Variants in C3 observed in about 807,000 individuals in gnomAD.
The protein encoded by C3 is complement C3, also known as C3 and PZP-like alpha-2-macroglobulin domain-containing protein 1.
In C3, 97 loss-of-function variants were observed where a neutral mutation model predicts 207.9. The observed-to-expected ratio is 0.47, with a 90% CI of 0.40 to 0.55. The LOEUF is 0.55. Ranked by LOEUF, C3 falls within the 20% of genes least tolerant of loss-of-function variation. The pLI, the probability that C3 is intolerant of heterozygous loss-of-function variation, is 0.00. For synonymous variants in C3, 848 were observed against 857.6 expected (o/e 0.99, Z 0.20); for missense variants, 1,684 against 2,171.7 (o/e 0.78, Z 4.46).
Position 6,719,771 on chromosome 19 carries a change from T to C in C3, c.75-368A>G, listed in dbSNP as rs1968125619. ...CTAAACCCACACATGCCCCAAACCC[T>C]AAACCTCTACCTCTCTAAACACTCC... is the stretch of plus-strand genomic sequence containing the variant. On this transcript the variant is annotated intron_variant, in intron 1 of 40. Coordinates refer to ENST00000245907, the MANE Select transcript of C3 (RefSeq NM_000064.4). This position sits in a 1 kb window ranked among gnomAD's most constrained non-coding sequence, Gnocchi z 5.4. Among the ~76,000 whole-genome samples the C allele has an allele frequency of 6.6e-6, 1 of 151,878 alleles. No homozygotes were observed.
chr19:6,701,218 G>A (rs1323151610), intron 19 of C3, among the ~76,000 whole-genome samples: 1 of 152,074 alleles, frequency 6.6e-6, no homozygotes, highest in African/African-American at 2.4e-5. Context: ...CCCCGATGAT[G>A]AGCATGTGCA....
intron 25 of C3, 22 bp from the exon 26 acceptor site, chr19:6,693,105 A>G: frequency 6.2e-7 from 1 of 1,612,990 alleles, no homozygotes; most frequent in South Asian, 1.1e-5. Flanking sequence ...ACAGAGCATG[A>G]GCCAATCGGC....
chr19:6,696,436 C>A lies in C3; in HGVS notation c.2893G>T (p.Ala965Ser). ...EGVQKEDIPP[A>S]DLSDQVPDTE... ...TCCGGGACTTGGTCACTGAGGTCTG[C>A]AGGTGGGATGTCCTCTTTCTGCACT... Residue 965 changes from alanine (A) to serine (S), a missense_variant, in exon 23 of 41, where the codon GCA (alanine) becomes TCA (serine). Physicochemically the swap from Ala to Ser is moderately conservative, Grantham distance 99 (BLOSUM62 1). Transcript: ENST00000245907. The A allele has an allele frequency of 6.2e-7, 1 of 1,613,790 alleles. No homozygotes were observed. Among genetic ancestry groups the A allele is most frequent in the Non-Finnish European group, 8.5e-7 (1 of 1,179,814 alleles).
At chr19:6,700,302 A>C (rs8113688) in intron 19 of C3, among the ~76,000 whole-genome samples, 1 of 15,388 alleles carries the variant, frequency 6.5e-5, no homozygotes, top group Non-Finnish European at 1.1e-4. Context: ...TGTGATATGC[A>C]ATATATATTA....
In C3 at chr19:6,710,853, G is replaced by GT; in HGVS notation, c.1480-9_1480-8insA. On this transcript the variant is annotated splice_polypyrimidine_tract_variant and intron_variant, in intron 12 of 40. Transcript: ENST00000245907. The stretch of plus-strand genomic sequence containing the variant: ...CCTGCCCTTGTTCATGATCTGGGGG[G>GT]ACAGGCTGGCATCAGGCTGGGGAGG... 1 of 1,612,900 alleles carries GT rather than the reference G, an allele frequency of 6.2e-7. No homozygotes were observed. Among genetic ancestry groups the GT allele is most frequent in the Non-Finnish European group, 8.5e-7 (1 of 1,179,086 alleles).
At chr19:6,693,197 C>T in intron 25 of C3, 114 bp from the exon 26 acceptor site, 1 of 1,305,140 alleles carries the variant, frequency 7.7e-7, no homozygotes, top group Non-Finnish European at 1.1e-6. Flanking sequence ...GCCTGGTTTG[C>T]CTTCCCAGGC....
intron 14 of C3, among the ~76,000 whole-genome samples, chr19:6,708,625 T>C (rs1468169459): frequency 7.0e-6 from 1 of 142,928 alleles, no homozygotes; most frequent in African/African-American, 2.6e-5. Context: ...CCTCTTTATC[T>C]CCTTTCTTTT....
At chr19:6,709,615 A>AAC in intron 14 of C3, 69 bp downstream of exon 14, 1 of 403,606 alleles carries the variant, frequency 2.5e-6, no homozygotes, top group Non-Finnish European at 4.4e-6. Flanking sequence ...CTCCAGTCCC[A>AAC]CCCACCTCCC....
At chr19:6,694,667 C>T (rs567719649) in intron 23 of C3, 33 bp from the exon 24 acceptor site, 3 of 1,596,922 alleles carry the variant, frequency 1.9e-6, no homozygotes, top group South Asian at 2.2e-5. Flanking sequence ...GTTGCTCAAG[C>T]CAGGTGGGTG....
In C3 at chr19:6,712,566, T is replaced by A. The variant is rs746295260; in HGVS notation, c.1061A>T (p.Gln354Leu). 1.2e-6 allele frequency: 2 copies of A among 1,614,112 alleles called. No homozygotes were observed. Among genetic ancestry groups the A allele is most frequent in the Non-Finnish European group, 1.7e-6 (2 of 1,179,982 alleles). ...SGIPIVTSPY[Q>L]IHFTKTPKYF... ...CTTGGGTGTCTTGGTGAAGTGGATC[T>A]GGTAGGGAGAGGTCACGATGGGGAT... Residue 354 changes from glutamine (Q) to leucine (L), a missense_variant, in exon 10 of 41, where the codon CAG (glutamine) becomes CTG (leucine). Coordinates refer to ENST00000245907, the MANE Select transcript of C3 (RefSeq NM_000064.4).
chr19:6,704,871 C>G (rs1336439275), intron 17 of C3, among the ~76,000 whole-genome samples: 1 of 151,060 alleles, frequency 6.6e-6, no homozygotes, highest in Non-Finnish European at 1.5e-5. Context: ...GTACTTCAGC[C>G]TGGGTGACAG....
At position 6,714,202 on chromosome 19, in the gene C3, G is replaced by C. The variant is rs1355710608; in HGVS notation, c.646C>G (p.Gln216Glu). The change falls in exon 6 of 41, where the codon CAG (glutamine) becomes GAG (glutamate). Residue 216 changes from glutamine to glutamate, a missense_variant. Coordinates refer to ENST00000245907, the MANE Select transcript of C3 (RefSeq NM_000064.4). ...IRAYYENSPQ[Q>E]VFSTEFEVKE... ...ACCTCAAACTCAGTGGAGAAGACCT[G>C]CTGTGGTGAGTTTTCATAGTAGGCT... 3 of 1,613,772 alleles carry C rather than the reference G, an allele frequency of 1.9e-6. No homozygotes were observed. Among genetic ancestry groups the C allele is most frequent in the Admixed American group, 1.7e-5 (1 of 60,008 alleles).
chr19:6,682,082 G>A, intron 34 of C3, 52 bp from the exon 35 acceptor site: 2 of 1,600,982 alleles, frequency 1.2e-6, no homozygotes, highest in Non-Finnish European at 1.7e-6. Context: ...CTCTCTCCCT[G>A]CAGCCTCTTC....
At chr19:6,679,283 C>T in intron 37 of C3, 75 bp from the exon 38 acceptor site, 1 of 1,481,992 alleles carries the variant, frequency 6.7e-7, no homozygotes, top group Non-Finnish European at 9.4e-7. Context: ...TGTGGCCAGC[C>T]CTGGGAGCCT....
intron 14 of C3, 73 bp downstream of exon 14, chr19:6,709,611 T>TGGCCCCC: frequency 1.2e-5 from 13 of 1,109,410 alleles, no homozygotes; most frequent in East Asian, 2.6e-5. Flanking sequence ...CCCTCTCCAG[T>TGGCCCCC]CCCACCCACC....
rs369261777 is a variant in C3, at chr19:6,686,828, A to G, written c.3564T>C (p.Thr1188=). 31 of 1,614,036 alleles carry G rather than the reference A, an allele frequency of 1.9e-5. No homozygotes were observed. The highest frequency in any genetic ancestry group is 2.4e-5 in the Non-Finnish European group (28 of 1,179,990). Residue 1188 remains threonine (T), a synonymous_variant, in exon 28 of 41, where the codon ACT becomes ACC. Transcript: ENST00000245907. ...ANYMNLQRSY[T]VAIAGYALAQ... ...CCAGAGCATAGCCAGCAATGGCCACAGTGTAGGATCTCTGTAGGTTCATGT... is the reference window on the plus strand; with the variant it reads ...CCAGAGCATAGCCAGCAATGGCCACGGTGTAGGATCTCTGTAGGTTCATGT...
At chr19:6,707,670 G>A (rs1967809246) in intron 15 of C3, 130 bp downstream of exon 15, 20 of 1,522,988 alleles carry the variant, frequency 1.3e-5, no homozygotes, top group Non-Finnish European at 1.6e-5. Flanking sequence ...GGCTCAGAGG[G>A]GAGGGATTTA....
At chr19:6,682,081 T>G in intron 34 of C3, 51 bp from the exon 35 acceptor site, 2 of 1,602,534 alleles carry the variant, frequency 1.2e-6, no homozygotes, top group Non-Finnish European at 1.7e-6. Context: ...CCTCTCTCCC[T>G]GCAGCCTCTT....
Position 6,712,240 on chromosome 19 carries a change from G to A in C3, c.1269+17C>T. On this transcript the variant is annotated intron_variant, in intron 11 of 40. Coordinates refer to ENST00000245907, the MANE Select transcript of C3 (RefSeq NM_000064.4). ...GTCTTCCCAGTGATGGGGTTCCGAG[G>A]CTGGGCCCAGACGCACCGTGATGCT... 1 of 1,613,058 alleles carries A rather than the reference G, an allele frequency of 6.2e-7. No homozygotes were observed. The highest frequency in any genetic ancestry group is 8.5e-7 in the Non-Finnish European group (1 of 1,179,990).
Sources: allele counts gnomAD v4.1 joint callset (sites outside exome capture counted in the v4.1 genomes callset), GRCh38; gene constraint gnomAD v4.1.1; non-coding constraint Gnocchi (gnomAD v3.1); transcripts MANE v1.5; gene names NCBI Gene and HGNC (gene_info 2026-07-23, HGNC 2026-07-21).